Variants in POLRMT observed in about 807,000 individuals in gnomAD.
The protein encoded by POLRMT is RNA polymerase mitochondrial.
A neutral mutation model predicts 132.2 loss-of-function variants in POLRMT; 114 were observed. That is an observed-to-expected ratio of 0.86 (90% CI 0.74 to 1.01). The LOEUF is 1.01. POLRMT is among the 50% of genes least tolerant of loss of function. The pLI is 0.00. For missense variants in POLRMT, 2,003 were observed against 1,729.1 expected (o/e 1.16, Z -2.81); for synonymous variants, 1,020 against 773.4 (o/e 1.32, Z -5.29).
intron 2 of POLRMT, among the ~76,000 whole-genome samples, chr19:630,552 T>C (rs971765833): frequency 2.0e-5 from 3 of 152,074 alleles, no homozygotes; most frequent in South Asian, 2.1e-4. Flanking sequence ...CCAGAATCTA[T>C]CCAGGTGGCC....
chr19:617,484 G>C lies in POLRMT; in HGVS notation c.3582-4C>G, dbSNP rs1036433524. ...GGCCTCCAAGATCTTCTGGGGCCTG[G>C]GGTTGGAAGCAGGGTGGGGTGAGGC... On this transcript the variant is annotated splice_region_variant and splice_polypyrimidine_tract_variant and intron_variant, in intron 19 of 20. Coordinates refer to ENST00000588649, the MANE Select transcript of POLRMT (RefSeq NM_005035.4). 1 of 1,611,532 alleles carries C rather than the reference G, an allele frequency of 6.2e-7. No individual in the cohort carries two copies. The highest frequency in any genetic ancestry group is 8.5e-7 in the Non-Finnish European group (1 of 1,179,744).
intron 3 of POLRMT, among the ~76,000 whole-genome samples, chr19:626,898 C>CACACACACACACACACACACACACAT (rs371959370): frequency 5.5e-5 from 8 of 146,702 alleles, no homozygotes; most frequent in African/African-American, 1.8e-4. Flanking sequence ...CACACACACA[C>CACACACACACACACACACACACACAT]ATATATATAT....
At chr19:628,941 T>C (rs1358438340) in intron 3 of POLRMT, among the ~76,000 whole-genome samples, 2 of 151,836 alleles carry the variant, frequency 1.3e-5, no homozygotes, top group Non-Finnish European at 2.9e-5. Flanking sequence ...GAGGTGGAGG[T>C]GGCCATGAGC....
intron 1 of POLRMT, 180 bp downstream of exon 1, chr19:633,245 C>T (rs1239023504): frequency 3.1e-5 from 24 of 772,646 alleles, no homozygotes; most frequent in Non-Finnish European, 4.4e-5. Context: ...AAAGGTCAGA[C>T]TGCACGGAGG....
In POLRMT at chr19:619,259, T is replaced by G; in HGVS notation, c.3104A>C (p.Gln1035Pro). 1.2e-6 allele frequency: 2 copies of G among 1,605,992 alleles called. No homozygotes were observed. The highest frequency in any genetic ancestry group is 1.7e-6 in the Non-Finnish European group (2 of 1,178,368). The change falls in exon 14 of 21, where the codon CAG (glutamine) becomes CCG (proline). Residue 1035 changes from glutamine to proline, a missense_variant. Transcript: ENST00000588649. ...VWEASHYLVR[Q>P]VFKSLQEMFS... ...CATCTCCTGTAGACTCTTGAAGACCTGGCGTACGAGATAGTGAGAGGCCTC... is the reference window on the plus strand; with the variant it reads ...CATCTCCTGTAGACTCTTGAAGACCGGGCGTACGAGATAGTGAGAGGCCTC...
Position 633,518 on chromosome 19 carries a change from A to G in POLRMT, c.-6T>C. On this transcript the variant is annotated 5_prime_UTR_variant, in exon 1 of 21. Transcript: ENST00000588649. ...CCCCAGCAAAGTGCCGACATTACGC[A>G]CGCCGCTCCAGGCCACCCCACCGGC... 6.0e-6 allele frequency: 5 copies of G among 836,722 alleles called. No individual in the cohort carries two copies. Among genetic ancestry groups the G allele is most frequent in the South Asian group, 2.0e-5 (1 of 49,328 alleles). The allele number at this position is 836,722 out of a possible 1,614,324, so 51.8% of individuals were successfully genotyped here.
intron 7 of POLRMT, 24 bp downstream of exon 7, chr19:622,797 C>T: frequency 6.4e-7 from 1 of 1,570,814 alleles, no homozygotes; most frequent in South Asian, 1.2e-5. Context: ...GCCCGGGGAC[C>T]CGGCCGCGCG....
Position 622,138 on chromosome 19 carries a change from C to T in POLRMT, c.1851+11G>A. On this transcript the variant is annotated intron_variant, in intron 9 of 20. Coordinates refer to ENST00000588649, the MANE Select transcript of POLRMT (RefSeq NM_005035.4). ...GGATGCCCCCCAGCTCAGGAGGGCA[C>T]TGCCTGGCACCTGCTGGACGTTGCG... The T allele has an allele frequency of 6.5e-7, 1 of 1,537,250 alleles. No homozygotes were observed.
At chr19:620,560 G>GGGAGGTGGGAAATGGGGA in intron 10 of POLRMT, 73 bp from the exon 11 acceptor site, 1 of 1,449,244 alleles carries the variant, frequency 6.9e-7, no homozygotes, top group Non-Finnish European at 9.1e-7. Flanking sequence ...CTGTGTTGCG[G>GGGAGGTGGGAAATGGGGA]GGAGGTGGGA....
Position 617,449 on chromosome 19 carries a change from T to C in POLRMT, c.3613A>G (p.Lys1205Glu). Residue 1205 changes from lysine (K) to glutamate (E), a missense_variant, in exon 20 of 21, where the codon AAG becomes GAG. Coordinates refer to ENST00000588649, the MANE Select transcript of POLRMT (RefSeq NM_005035.4). ...TTGGGCACCGCCTGCAGTGTCTCCT[T>C]CAGCTGGCTGGCCTCCAAGATCTTC... ...PQKILEASQLKETLQAVPKPG... is the reference protein window; with the variant it reads ...PQKILEASQLEETLQAVPKPG... 6.2e-7 allele frequency: 1 copy of C among 1,609,598 alleles called. No individual in the cohort carries two copies. The highest frequency in any genetic ancestry group is 1.8e-4 in the Middle Eastern group (1 of 5,654).
At chr19:630,470 G>A (rs1412066838) in intron 2 of POLRMT, among the ~76,000 whole-genome samples, 5 of 151,992 alleles carry the variant, frequency 3.3e-5, no homozygotes, top group Non-Finnish European at 2.9e-5. Context: ...CCCTCCAGGT[G>A]CACAGGCCCA....
chr19:631,499 C>T (rs1985415158), intron 2 of POLRMT, among the ~76,000 whole-genome samples: 1 of 151,822 alleles, frequency 6.6e-6, no homozygotes, highest in South Asian at 2.1e-4. Context: ...ATTAACCGGG[C>T]GTGGTGGTGC....
chr19:630,147 T>G lies in POLRMT; in HGVS notation c.215A>C (p.Gln72Pro). The stretch of plus-strand genomic sequence containing the variant: ...CTCCGACACGCTCTCAGCCTGCAGC[T>G]GCCGCACCCGCGCCTGGAGCACTGT... ...LLEVLQARVR[Q>P]LQAESVSEVV... Residue 72 changes from glutamine to proline, a missense_variant, in exon 3 of 21, where the codon CAG becomes CCG. By Grantham distance (76) the Gln-to-Pro change is moderately conservative. Coordinates refer to ENST00000588649, the MANE Select transcript of POLRMT (RefSeq NM_005035.4). The G allele has an allele frequency of 6.2e-7, 1 of 1,601,468 alleles. No individual in the cohort carries two copies. Among genetic ancestry groups the G allele is most frequent in the Non-Finnish European group, 8.5e-7 (1 of 1,172,254 alleles).
At position 618,477 on chromosome 19, in the gene POLRMT, G is replaced by A. The variant is rs764949041; in HGVS notation, c.3422+11C>T. The A allele has an allele frequency of 2.2e-5, 35 of 1,586,614 alleles. No homozygotes were observed. Among genetic ancestry groups the A allele is most frequent in the Non-Finnish European group, 2.9e-5 (34 of 1,160,290 alleles). ...AGGCGAGCGGCACCCACGCCGTCCG[G>A]AGACGCCCACCTGTAGCAGTGCAGG... On this transcript the variant is annotated intron_variant, in intron 17 of 20. Coordinates refer to ENST00000588649, the MANE Select transcript of POLRMT (RefSeq NM_005035.4).
At position 619,645 on chromosome 19, in the gene POLRMT, G is replaced by C; in HGVS notation, c.3007C>G (p.Arg1003Gly). ...TVMTVVYGVT[R>G]YGGRLQIEKR... ...TCAATCTGCAGGCGCCCGCCATAGC[G>C]CGTGACCCCGTACACCACCGTCATC... Residue 1003 changes from arginine to glycine, a missense_variant, in exon 13 of 21, where the codon CGC becomes GGC. Transcript: ENST00000588649. 1 of 1,610,818 alleles carries C rather than the reference G, an allele frequency of 6.2e-7. No individual in the cohort carries two copies. The highest frequency in any genetic ancestry group is 8.5e-7 in the Non-Finnish European group (1 of 1,179,656).
rs1301803086 is a variant in POLRMT at position 623,339 on chromosome 19, G to A, written c.1290+115C>T. ...GGAGCTCAGCCCCTGCGGCGGACAC[G>A]CGACCCCGGCTCAGCCCCTGCGGCG... On this transcript the variant is annotated intron_variant, in intron 6 of 20. Coordinates refer to ENST00000588649, the MANE Select transcript of POLRMT (RefSeq NM_005035.4). The A allele has an allele frequency of 2.2e-5, 32 of 1,486,056 alleles. No individual in the cohort carries two copies. In the East Asian group the frequency reaches 7.3e-4, roughly 34 times the overall value. The allele number at this position is 1,486,056 out of a possible 1,614,324, so 92.1% of individuals were successfully genotyped here.
rs530325687 is a variant in POLRMT at position 624,714 on chromosome 19, C to G, written c.1140+5G>C. On this transcript the variant is annotated splice_donor_5th_base_variant and intron_variant, in intron 5 of 20. Transcript: ENST00000588649. ...TGAAGTCTGCCGGGGCCCACGTGGG[C>G]TCACCTTGGCATACACGTCCCTGAG... 6.2e-7 allele frequency: 1 copy of G among 1,610,830 alleles called. No homozygotes were observed. Among genetic ancestry groups the G allele is most frequent in the Non-Finnish European group, 8.5e-7 (1 of 1,177,944 alleles).
chr19:622,609 G>A lies in POLRMT; in HGVS notation c.1599C>T (p.Tyr533=), dbSNP rs1429317437. The A allele has an allele frequency of 1.2e-6, 2 of 1,606,346 alleles. No homozygotes were observed. Among genetic ancestry groups the A allele is most frequent in the African/African-American group, 1.3e-5 (1 of 74,924 alleles). Residue 533 remains tyrosine (Y), a synonymous_variant, in exon 8 of 21, where the codon TAC becomes TAT. Coordinates refer to ENST00000588649, the MANE Select transcript of POLRMT (RefSeq NM_005035.4). ...CGGCGTCGGAGGCCAGCAAGCAGAG[G>A]TACTTCCTGTAGTGGTTCTGCAGCG... ...VQALQNHYRK[Y]LCLLASDAEV...
In POLRMT at chr19:629,677, A is replaced by C. The variant is rs1985263418; in HGVS notation, c.685T>G (p.Phe229Val). The C allele has an allele frequency of 1.9e-6, 3 of 1,609,380 alleles. No homozygotes were observed. The highest frequency in any genetic ancestry group is 4.5e-5 in the East Asian group (2 of 44,844). ...LSGQQQRLLA[F>V]FKCCLLTDQL... ...TCAGTGAGCAGGCAGCACTTGAAGA[A>C]GGCCAGGAGCCTCTGCTGCTGACCT... The change falls in exon 3 of 21, where the codon TTC becomes GTC. Residue 229 changes from phenylalanine (F) to valine (V), a missense_variant. By Grantham distance (50) the Phe-to-Val change is conservative (BLOSUM62 -1). Coordinates refer to ENST00000588649, the MANE Select transcript of POLRMT (RefSeq NM_005035.4).
Sources: allele counts gnomAD v4.1 joint callset (sites outside exome capture counted in the v4.1 genomes callset), GRCh38; gene constraint gnomAD v4.1.1; transcripts MANE v1.5; gene names NCBI Gene and HGNC (gene_info 2026-07-23, HGNC 2026-07-21).